The following DNAJC1 variants were observed in gnomAD, a reference collection of about 807,000 sequenced individuals.
DNAJC1 encodes the protein dnaJ homolog subfamily C member 1.
A neutral mutation model predicts 76.6 loss-of-function variants in DNAJC1; 58 were observed. That is an observed-to-expected ratio of 0.76 (90% CI 0.61 to 0.94). The LOEUF (loss-of-function observed/expected upper bound fraction) is 0.94, where lower values mean the gene tolerates loss of function less well. DNAJC1 is among the 40% of genes least tolerant of loss of function. DNAJC1 has a pLI of 0.00. For missense variants in DNAJC1, 689 were observed against 677.3 expected (o/e 1.02, Z -0.19); for synonymous variants, 258 against 267.9 (o/e 0.96, Z 0.36).
intron 1 of DNAJC1, among the ~76,000 whole-genome samples, chr10:21,935,619 T>C (rs547514979): frequency 1.1e-4 from 17 of 152,036 alleles, no homozygotes; most frequent in African/African-American, 4.1e-4. Flanking sequence ...CATAAACCTA[T>C]ATATCTAAGA....
intron 2 of DNAJC1, 77 bp downstream of exon 2, chr10:21,928,963 T>C: frequency 3.4e-6 from 3 of 884,672 alleles, no homozygotes; most frequent in Non-Finnish European, 5.0e-6. Flanking sequence ...ATATTCCATA[T>C]ATAAGTGAAT....
intron 1 of DNAJC1, among the ~76,000 whole-genome samples, chr10:21,984,929 G>C (rs554170451): frequency 1.3e-5 from 2 of 152,192 alleles, no homozygotes; most frequent in African/African-American, 4.8e-5. Context: ...AGAGGCCAAA[G>C]AGTGAAAATG....
In DNAJC1 at chr10:22,003,344, G is replaced by C. The variant is rs1015786349; in HGVS notation, c.91C>G (p.Leu31Val). Residue 31 changes from leucine to valine, a missense_variant, in exon 1 of 12, where the codon CTG (leucine) becomes GTG (valine). Coordinates refer to ENST00000376980, the MANE Select transcript of DNAJC1 (RefSeq NM_022365.4). ...AGCAGCAGCAGCAGCAGCCACAGCA[G>C]CGGCGTCCGCGGCGGCGGCGGCGGG... Reference protein sequence around the residue: ...PFPPPPPRTPLLWLLLLLLAA... With the variant: ...PFPPPPPRTPVLWLLLLLLAA... 7.0e-7 allele frequency: 1 copy of C among 1,438,578 alleles called. No individual in the cohort carries two copies. Among genetic ancestry groups the C allele is most frequent in the African/African-American group, 1.5e-5 (1 of 66,464 alleles). 89.1% of individuals were successfully genotyped at this position (1,438,578 alleles called of 1,614,324 possible).
At chr10:21,944,971 T>C (rs1475214762) in intron 1 of DNAJC1, among the ~76,000 whole-genome samples, 1 of 152,148 alleles carries the variant, frequency 6.6e-6, no homozygotes, top group Non-Finnish European at 1.5e-5. Context: ...TAGGAGGTGT[T>C]TTTGAAATAG....
intron 8 of DNAJC1, among the ~76,000 whole-genome samples, chr10:21,839,328 G>C (rs1835530375): frequency 6.6e-6 from 1 of 152,086 alleles, no homozygotes. Context: ...TTGTTGAAAA[G>C]ATCAGCAAAA....
At chr10:21,931,688 T>C (rs536944734) in intron 1 of DNAJC1, among the ~76,000 whole-genome samples, 5 of 152,330 alleles carry the variant, frequency 3.3e-5, no homozygotes, top group South Asian at 2.1e-4. Context: ...ATATGTTCCA[T>C]TGGAGCTTTA....
rs775632751 is a variant in DNAJC1 at position 21,890,975 on chromosome 10, G to A, written c.821-8536C>T. On this transcript the variant is annotated intron_variant, in intron 7 of 11. Coordinates refer to ENST00000376980, the MANE Select transcript of DNAJC1 (RefSeq NM_022365.4). ...GGAGGCCAAGGTGGGCAGATCACCT[G>A]AGGTCAGGAGTTCGAGTCCAGCCTG... Among the ~76,000 whole-genome samples, 56 of 152,164 alleles carry A rather than the reference G, an allele frequency of 3.7e-4. 1 individual carries two copies. Among genetic ancestry groups the A allele is most frequent in the Admixed American group, 2.1e-3 (32 of 15,282 alleles).
chr10:21,897,591 C>CA (rs1166966953), intron 7 of DNAJC1, among the ~76,000 whole-genome samples: 1 of 152,156 alleles, frequency 6.6e-6, no homozygotes, highest in Non-Finnish European at 1.5e-5. Flanking sequence ...ATTAGATTCT[C>CA]AAGGATCTAA....
At chr10:21,803,027 TA>T (rs1351068234) in intron 9 of DNAJC1, among the ~76,000 whole-genome samples, 5 of 152,214 alleles carry the variant, frequency 3.3e-5, no homozygotes, top group South Asian at 2.1e-4. Flanking sequence ...TTAAAAAGCT[TA>T]AAAAAATATT....
intron 7 of DNAJC1, among the ~76,000 whole-genome samples, chr10:21,889,683 C>A (rs900727271): frequency 1.3e-5 from 2 of 152,114 alleles, no homozygotes; most frequent in Non-Finnish European, 2.9e-5. Context: ...AGACTTGGTG[C>A]TGCAGAAACT....
At chr10:21,827,859 T>A (rs1184246192) in intron 8 of DNAJC1, among the ~76,000 whole-genome samples, 1 of 152,236 alleles carries the variant, frequency 6.6e-6, no homozygotes, top group Non-Finnish European at 1.5e-5. Flanking sequence ...TTTTGGACTC[T>A]TAGGTTGTTT....
At chr10:21,812,828 T>C (rs1834990239) in intron 8 of DNAJC1, among the ~76,000 whole-genome samples, 7 of 151,990 alleles carry the variant, frequency 4.6e-5, no homozygotes, top group Admixed American at 4.6e-4. Context: ...CAGCAAACTA[T>C]GGTGTTAACT....
chr10:21,848,954 T>C (rs1166233763), intron 8 of DNAJC1, among the ~76,000 whole-genome samples: 1 of 152,098 alleles, frequency 6.6e-6, no homozygotes, highest in Admixed American at 6.6e-5. Flanking sequence ...CATACCAAAA[T>C]GTATGAATAC....
chr10:21,899,775 C>CG (rs1393167062), intron 7 of DNAJC1, among the ~76,000 whole-genome samples: 2 of 152,128 alleles, frequency 1.3e-5, no homozygotes, highest in Admixed American at 1.3e-4. Context: ...TCCTGCATTG[C>CG]GGGGGGACCC....
chr10:21,945,992 C>T (rs1485098370), intron 1 of DNAJC1, among the ~76,000 whole-genome samples: 1 of 149,536 alleles, frequency 6.7e-6, no homozygotes, highest in East Asian at 2.0e-4. Context: ...GTGATAAATG[C>T]AAAATCAAAA....
chr10:21,855,082 T>C (rs1033038494), intron 8 of DNAJC1, among the ~76,000 whole-genome samples: 3 of 152,316 alleles, frequency 2.0e-5, no homozygotes, highest in Admixed American at 6.5e-5. Flanking sequence ...TTTTTTTGTA[T>C]TGCATTGTTA....
At chr10:21,972,492 T>C (rs753487358) in intron 1 of DNAJC1, among the ~76,000 whole-genome samples, 2 of 152,028 alleles carry the variant, frequency 1.3e-5, no homozygotes, top group African/African-American at 2.4e-5. Flanking sequence ...AGCAGCTTTA[T>C]CACATTTGAA....
chr10:21,826,872 A>G (rs765297870), intron 8 of DNAJC1, among the ~76,000 whole-genome samples: 18 of 151,820 alleles, frequency 1.2e-4, no homozygotes, highest in Admixed American at 3.9e-4. Context: ...ATCTGTCTGT[A>G]TGTCAGTACC....
Position 21,809,856 on chromosome 10 carries a change from C to T in DNAJC1, c.979-3757G>A, listed in dbSNP as rs188864587. Among the ~76,000 whole-genome samples the T allele has an allele frequency of 2.3e-3, 343 of 151,856 alleles. 3 individuals are homozygous for T. The highest frequency in any genetic ancestry group is 7.9e-3 in the African/African-American group (325 of 41,354). On this transcript the variant is annotated intron_variant, in intron 8 of 11. Coordinates refer to ENST00000376980, the MANE Select transcript of DNAJC1 (RefSeq NM_022365.4). Reference sequence around the variant, plus strand: ...AAATAACCTCAAATGTCTTTTTACTCTTAGGAAGAGAAATTCTTTTTTGAG... The same window carrying T: ...AAATAACCTCAAATGTCTTTTTACTTTTAGGAAGAGAAATTCTTTTTTGAG...
Sources: allele counts gnomAD v4.1 joint callset (sites outside exome capture counted in the v4.1 genomes callset), GRCh38; gene constraint gnomAD v4.1.1; transcripts MANE v1.5; gene names NCBI Gene and HGNC (gene_info 2026-07-23, HGNC 2026-07-21).